The following METTL25 variants were observed in gnomAD, a reference collection of about 807,000 sequenced individuals.
METTL25 encodes methyltransferase like 25, also known as probable methyltransferase-like protein 25.
In METTL25, 64 loss-of-function variants were observed where a neutral mutation model predicts 71.6. The ratio of observed to expected loss-of-function variants is 0.89; its 90% CI spans 0.73 to 1.10. The LOEUF (loss-of-function observed/expected upper bound fraction) is 1.10, where lower values mean the gene tolerates loss of function less well. Ranked by LOEUF, METTL25 falls within the 50% of genes least tolerant of loss-of-function variation. The pLI, the probability that METTL25 is intolerant of heterozygous loss-of-function variation, is 0.00. For missense variants in METTL25, 807 were observed against 707.0 expected, an observed-to-expected ratio of 1.14 and a Z score of -1.60; for synonymous variants, 287 against 250.3, an observed-to-expected ratio of 1.15 and a Z score of -1.38.
At chr12:82,464,150 C>A (rs531983179) in intron 9 of METTL25, among the ~76,000 whole-genome samples, 1 of 151,712 alleles carries the variant, frequency 6.6e-6, no homozygotes, top group Non-Finnish European at 1.5e-5. Context: ...CTTTAGTTGC[C>A]GGTGCTTTTG....
intron 1 of METTL25, among the ~76,000 whole-genome samples, chr12:82,382,492 G>GA (rs1209375995): frequency 6.6e-6 from 1 of 152,160 alleles, no homozygotes; most frequent in Admixed American, 6.5e-5. Context: ...AGCCTTAGGA[G>GA]AATTTATTTT....
intron 1 of METTL25, among the ~76,000 whole-genome samples, chr12:82,361,275 T>C (rs1342296646): frequency 1.3e-5 from 2 of 152,250 alleles, no homozygotes; most frequent in Admixed American, 6.5e-5. Flanking sequence ...AGGGTGCTGA[T>C]TGGTGTATTT....
intron 9 of METTL25, among the ~76,000 whole-genome samples, chr12:82,469,833 A>C (rs187551435): frequency 6.6e-6 from 1 of 152,302 alleles, no homozygotes; most frequent in East Asian, 1.9e-4. Context: ...TTTAAACTCC[A>C]GGATTATTTT....
chr12:82,413,598 T>C (rs1324930995), intron 5 of METTL25, among the ~76,000 whole-genome samples: 1 of 152,032 alleles, frequency 6.6e-6, no homozygotes. Context: ...CGGTTAGCTT[T>C]TGTGGATCAT....
Position 82,434,717 on chromosome 12 carries a change from G to T in METTL25, c.1397G>T (p.Gly466Val). The change falls in exon 7 of 12, where the codon GGC becomes GTC. Residue 466 changes from glycine (G) to valine (V), a missense_variant. Transcript: ENST00000248306. ...AAGGCATTGGAGCGGGTTGCAGCTG[G>T]CCAAGGGGTAAGTAAGAGTGTTAAC... Reference protein sequence around the residue: ...ACLALERVAAGQGLPTESLFY... With the variant: ...ACLALERVAAVQGLPTESLFY... 3 of 1,609,270 alleles carry T rather than the reference G, an allele frequency of 1.9e-6. No individual in the cohort carries two copies. The highest frequency in any genetic ancestry group is 2.2e-5 in the South Asian group (2 of 90,928).
rs534303827 is a variant in METTL25 at position 82,374,941 on chromosome 12, G to A, written c.260-11862G>A. Among the ~76,000 whole-genome samples the A allele has an allele frequency of 1.4e-4, 22 of 152,296 alleles. No individual in the cohort carries two copies. The East Asian group carries it at 3.7e-3, about 25-fold the overall frequency. The stretch of plus-strand genomic sequence containing the variant: ...CAAGGTGATGGCAGTGGAATAGAAA[G>A]GAAGTGATAGTTTTGAAAGATGCTG... On this transcript the variant is annotated intron_variant, in intron 1 of 11. Transcript: ENST00000248306.
At chr12:82,463,354 T>C (rs1339900590) in intron 9 of METTL25, among the ~76,000 whole-genome samples, 1 of 152,042 alleles carries the variant, frequency 6.6e-6, no homozygotes, top group Non-Finnish European at 1.5e-5. Context: ...TAATCCTGGC[T>C]TATTTCACTT....
chr12:82,478,881 T>C (rs970589419), intron 11 of METTL25, 51 bp from the exon 12 acceptor site: 3 of 1,454,858 alleles, frequency 2.1e-6, no homozygotes, highest in Admixed American at 3.4e-5. Flanking sequence ...TCGCGTCTAA[T>C]TTTTTTCTTC....
chr12:82,432,595 C>G (rs533312921), intron 6 of METTL25, among the ~76,000 whole-genome samples: 159 of 151,608 alleles, frequency 1.0e-3, no homozygotes, highest in African/African-American at 3.0e-3. Context: ...ATTCAGAGAA[C>G]CAAAACAAAT....
intron 5 of METTL25, among the ~76,000 whole-genome samples, chr12:82,430,452 C>A (rs1478993900): frequency 6.6e-6 from 1 of 151,592 alleles, no homozygotes; most frequent in Non-Finnish European, 1.5e-5. Flanking sequence ...AAGAAAAAAT[C>A]TGATGCTTCA....
At chr12:82,446,077 A>G (rs1462082851) in intron 8 of METTL25, among the ~76,000 whole-genome samples, 1 of 152,132 alleles carries the variant, frequency 6.6e-6, no homozygotes. Flanking sequence ...CAAAAGAGAC[A>G]AAGAAGGTCA....
Position 82,479,061 on chromosome 12 carries a change from T to C in METTL25, c.*37T>C, listed in dbSNP as rs1401005932. 2 of 1,554,652 alleles carry C rather than the reference T, an allele frequency of 1.3e-6. No homozygotes were observed. Among genetic ancestry groups the C allele is most frequent in the Non-Finnish European group, 1.8e-6 (2 of 1,127,430 alleles). On this transcript the variant is annotated 3_prime_UTR_variant, in exon 12 of 12. Transcript: ENST00000248306. ...GCAAATTATTAGATGTATTTCTCTA[T>C]GAGACCTGTTGCTGAGATTGCTTTT...
intron 5 of METTL25, among the ~76,000 whole-genome samples, chr12:82,409,975 T>C (rs903873305): frequency 1.3e-5 from 2 of 152,070 alleles, no homozygotes. Context: ...TCTCTGGAAA[T>C]TGTGAGGGAG....
chr12:82,476,314 G>A (rs1259852127), intron 9 of METTL25: 1 of 201,722 alleles, frequency 5.0e-6, no homozygotes, highest in Non-Finnish European at 9.9e-6. Flanking sequence ...TTTAATTTTA[G>A]TCAAAAAATG....
intron 8 of METTL25, among the ~76,000 whole-genome samples, chr12:82,443,462 C>CA (rs67737833): frequency 5.8e-4 from 56 of 96,604 alleles, no homozygotes; most frequent in Admixed American, 1.5e-3. Flanking sequence ...CAGAGGAGAC[C>CA]AAAAAAAAAA....
chr12:82,360,905 C>T (rs1881770525), intron 1 of METTL25, among the ~76,000 whole-genome samples: 1 of 152,144 alleles, frequency 6.6e-6, no homozygotes, highest in African/African-American at 2.4e-5. Flanking sequence ...CTGGCGGGTT[C>T]GTGGTCTCGC....
intron 5 of METTL25, among the ~76,000 whole-genome samples, chr12:82,430,434 G>A (rs1889389688): frequency 6.6e-6 from 1 of 151,528 alleles, no homozygotes; most frequent in Non-Finnish European, 1.5e-5. Flanking sequence ...GGGGAACATA[G>A]TGGCTAAAAG....
At chr12:82,460,344 G>C (rs1770929407) in intron 9 of METTL25, among the ~76,000 whole-genome samples, 1 of 152,190 alleles carries the variant, frequency 6.6e-6, no homozygotes, top group Admixed American at 6.5e-5. Flanking sequence ...CAAGGAGATA[G>C]AGCAAAACTC....
At chr12:82,464,092 T>C (rs1387078044) in intron 9 of METTL25, among the ~76,000 whole-genome samples, 1 of 152,030 alleles carries the variant, frequency 6.6e-6, no homozygotes, top group African/African-American at 2.4e-5. Context: ...TTTTGTTTGC[T>C]CTGCAGAAGC....
Sources: gnomAD v4.1 joint callset for allele counts (sites outside exome capture counted in the v4.1 genomes callset) on GRCh38, gnomAD v4.1.1 for gene constraint, MANE v1.5 for transcripts, NCBI Gene and HGNC (gene_info 2026-07-23, HGNC 2026-07-21) for gene names.